NOX4: variants seen among roughly 807,000 people sequenced by gnomAD.
NOX4 encodes the protein NADPH oxidase 4, also known as kidney oxidase-1.
In NOX4, 69 loss-of-function variants were observed where a neutral mutation model predicts 87.6. The observed-to-expected ratio is 0.79, with a 90% CI of 0.65 to 0.96. The LOEUF is 0.96. Ranked by LOEUF, NOX4 falls within the 40% of genes least tolerant of loss-of-function variation. The probability of loss-of-function intolerance (pLI) is 0.00; values close to 1 mark genes in which losing one functional copy is unlikely to be tolerated. For synonymous variants in NOX4, 275 were observed against 238.2 expected, an observed-to-expected ratio of 1.15 and a Z score of -1.42; for missense variants, 680 against 681.5, an observed-to-expected ratio of 1.00 and a Z score of 0.02.
intron 6 of NOX4, among the ~76,000 whole-genome samples, chr11:89,437,504 A>T (rs760448860): frequency 5.9e-5 from 9 of 152,150 alleles, no homozygotes; most frequent in Non-Finnish European, 1.3e-4. Flanking sequence ...GTCTGAGCCC[A>T]GTTCCAGACT....
intron 2 of NOX4, among the ~76,000 whole-genome samples, chr11:89,486,984 T>C (rs1248975058): frequency 6.6e-6 from 1 of 152,164 alleles, no homozygotes; most frequent in Admixed American, 6.5e-5. Context: ...CTTTTTCCTT[T>C]TTTTAATGTG....
the NOX4 span, among the ~76,000 whole-genome samples, chr11:89,515,682 T>C: frequency 6.6e-6 from 1 of 151,996 alleles, no homozygotes; most frequent in African/African-American, 2.4e-5. Context: ...TTCTATAATT[T>C]TAGCATATAT....
At chr11:89,532,609 G>A in the NOX4 span, among the ~76,000 whole-genome samples, 52,702 of 151,948 alleles carry the variant, frequency 0.35, 9,303 homozygotes, top group Middle Eastern at 0.38. Context: ...TTGGGTTAAC[G>A]CTGGAATGAG....
At chr11:89,331,799 A>G (rs1945484525) in intron 17 of NOX4, among the ~76,000 whole-genome samples, 1 of 151,832 alleles carries the variant, frequency 6.6e-6, no homozygotes, top group Admixed American at 6.6e-5. Flanking sequence ...GTGTTTCTTT[A>G]ACATTTTCTT....
At chr11:89,458,589 C>T (rs1359526304) in intron 2 of NOX4, among the ~76,000 whole-genome samples, 2 of 152,110 alleles carry the variant, frequency 1.3e-5, no homozygotes, top group Non-Finnish European at 2.9e-5. Context: ...CTGTGAGAAA[C>T]TTAAACAAAT....
intron 2 of NOX4, among the ~76,000 whole-genome samples, chr11:89,473,010 C>A (rs1420975870): frequency 6.6e-6 from 1 of 152,106 alleles, no homozygotes; most frequent in African/African-American, 2.4e-5. Flanking sequence ...AAAGGTTTGA[C>A]CTCTTTGGCT....
chr11:89,527,934 C>T, the NOX4 span, among the ~76,000 whole-genome samples: 12 of 152,102 alleles, frequency 7.9e-5, no homozygotes, highest in Non-Finnish European at 1.6e-4. Flanking sequence ...CAACAGCTTG[C>T]ACTGTCCACC....
At chr11:89,419,851 T>C (rs1942994555) in intron 8 of NOX4, among the ~76,000 whole-genome samples, 1 of 151,992 alleles carries the variant, frequency 6.6e-6, no homozygotes, top group South Asian at 2.1e-4. Context: ...TGACACTATT[T>C]TGATTTACAA....
At chr11:89,358,916 A>G (rs187039137) in intron 12 of NOX4, among the ~76,000 whole-genome samples, 14 of 152,132 alleles carry the variant, frequency 9.2e-5, no homozygotes, top group Admixed American at 2.0e-4. Flanking sequence ...CTTAGAAGAA[A>G]TTCATTAAAG....
At chr11:89,436,217 T>C (rs1426757759) in intron 6 of NOX4, among the ~76,000 whole-genome samples, 2 of 152,124 alleles carry the variant, frequency 1.3e-5, no homozygotes, top group Admixed American at 1.3e-4. Flanking sequence ...AAGCAGGAAA[T>C]TGCAACACAC....
intron 4 of NOX4, among the ~76,000 whole-genome samples, chr11:89,446,420 T>C (rs917603698): frequency 3.9e-5 from 6 of 152,106 alleles, no homozygotes; most frequent in Middle Eastern, 3.2e-3. Context: ...CATTAATGTT[T>C]ACAGCAGCTT....
At chr11:89,549,531 T>A in the NOX4 span, among the ~76,000 whole-genome samples, 1 of 152,250 alleles carries the variant, frequency 6.6e-6, no homozygotes, top group Non-Finnish European at 1.5e-5. Flanking sequence ...GGGATACATG[T>A]GCAGGGCATG....
At chr11:89,469,556 A>T (rs1945839782) in intron 2 of NOX4, among the ~76,000 whole-genome samples, 1 of 152,136 alleles carries the variant, frequency 6.6e-6, no homozygotes, top group Non-Finnish European at 1.5e-5. Context: ...TAGTTCTTTC[A>T]TGGCGCCTTA....
chr11:89,406,356 A>G lies in NOX4; in HGVS notation c.630-3814T>C, dbSNP rs150707211. Reference sequence around the variant, plus strand: ...TTTTATGGTGTTTTAAATTCCTGGTACCTTTATTTATTTTAGATGCATGCC... The same window carrying G: ...TTTTATGGTGTTTTAAATTCCTGGTGCCTTTATTTATTTTAGATGCATGCC... On this transcript the variant is annotated intron_variant, in intron 8 of 17. Transcript: ENST00000263317. 4.1e-3 allele frequency among the ~76,000 whole-genome samples: 627 copies of G among 152,118 alleles called. 3 individuals are homozygous for G. The highest frequency in any genetic ancestry group is 0.014 in the African/African-American group (592 of 41,528).
At chr11:89,573,652 T>C in the NOX4 span, among the ~76,000 whole-genome samples, 2 of 152,116 alleles carry the variant, frequency 1.3e-5, no homozygotes, top group African/African-American at 4.8e-5. Flanking sequence ...TTTAGGGGCA[T>C]AAGGCAGAAA....
chr11:89,488,620 C>A (rs1946723001), intron 2 of NOX4, among the ~76,000 whole-genome samples: 1 of 152,060 alleles, frequency 6.6e-6, no homozygotes, highest in South Asian at 2.1e-4. Context: ...TTATGGCTTT[C>A]TAGGTTATTG....
rs78426890 is a variant in NOX4 at position 89,435,717 on chromosome 11, C to T, written c.476-2861G>A. Among the ~76,000 whole-genome samples, 939 of 152,142 alleles carry T rather than the reference C, an allele frequency of 6.2e-3. 8 individuals carry two copies. The highest frequency in any genetic ancestry group is 0.022 in the African/African-American group (905 of 41,520). On this transcript the variant is annotated intron_variant, in intron 6 of 17. Coordinates refer to ENST00000263317, the MANE Select transcript of NOX4 (RefSeq NM_016931.5). ...AGGATAAAATAGAAGGGCCAGACGA[C>T]CCAGCCAATGATGTATATGGTCTGG...
At chr11:89,329,783 AC>A (rs1235847624) in intron 17 of NOX4, among the ~76,000 whole-genome samples, 1 of 152,070 alleles carries the variant, frequency 6.6e-6, no homozygotes, top group Non-Finnish European at 1.5e-5. Flanking sequence ...TTGATGCCAA[AC>A]AAAAATATTT....
chr11:89,575,565 G>T, the NOX4 span, among the ~76,000 whole-genome samples: 1 of 152,162 alleles, frequency 6.6e-6, no homozygotes, highest in Non-Finnish European at 1.5e-5. Context: ...TAATGGGCAA[G>T]TATGGCATTG....
Sources: gnomAD v4.1 joint callset for allele counts (sites outside exome capture counted in the v4.1 genomes callset) on GRCh38, gnomAD v4.1.1 for gene constraint, MANE v1.5 for transcripts, NCBI Gene and HGNC (gene_info 2026-07-23, HGNC 2026-07-21) for gene names.